BRAT1: variants seen among roughly 807,000 people sequenced by gnomAD.
BRAT1 encodes integrator complex assembly factor BRAT1.
BRAT1 carries 74 observed loss-of-function variants against 70.6 expected under a neutral mutation model. The observed-to-expected ratio is 1.05, with a 90% CI of 0.87 to 1.27. BRAT1 has a LOEUF of 1.27. BRAT1 is among the 50% of genes most tolerant of loss of function. BRAT1 has a pLI of 0.00. For synonymous variants in BRAT1, 615 were observed against 517.1 expected (o/e 1.19, Z -2.57); for missense variants, 1,203 against 1,098.2 (o/e 1.10, Z -1.35).
In BRAT1 at chr7:2,545,258, G is replaced by A. The variant is rs554547404; in HGVS notation, c.283-202C>T. On this transcript the variant is annotated intron_variant, in intron 3 of 13. Coordinates refer to ENST00000340611, the MANE Select transcript of BRAT1 (RefSeq NM_152743.4). The stretch of plus-strand genomic sequence containing the variant: ...ATGCACCTGTAATCCCAGCTACTAA[G>A]AAGGCTGAGGCAGGAGAATTGCTTG... Among the ~76,000 whole-genome samples the A allele has an allele frequency of 1.2e-4, 18 of 148,948 alleles. No individual in the cohort carries two copies. In the South Asian group the frequency reaches 3.4e-3, roughly 28 times the overall value.
chr7:2,545,124 G>A, intron 3 of BRAT1, 68 bp from the exon 4 acceptor site: 1 of 1,425,048 alleles, frequency 7.0e-7, no homozygotes, highest in Non-Finnish European at 9.2e-7. Flanking sequence ...CCAGCACTTT[G>A]GGAGGCCGAG....
rs113203588 is a variant in BRAT1 at position 2,547,942 on chromosome 7, G to C, written c.128-464C>G. Among the ~76,000 whole-genome samples, 1,442 of 152,194 alleles carry C rather than the reference G, an allele frequency of 9.5e-3. 13 individuals are homozygous for C. In the Middle Eastern group the frequency reaches 0.1, roughly 11 times the overall value. The stretch of plus-strand genomic sequence containing the variant: ...TACTAAAAATACAAAAAATTAGCCA[G>C]GTGTGGTGGCTCATGCCTGTAGTCC... On this transcript the variant is annotated intron_variant, in intron 2 of 13. Transcript: ENST00000340611.
intron 13 of BRAT1, 57 bp downstream of exon 13, chr7:2,539,122 C>G: frequency 3.2e-6 from 5 of 1,542,940 alleles, no homozygotes; most frequent in Non-Finnish European, 4.4e-6. Context: ...CGCAAGCAAA[C>G]GAGCACACAC....
chr7:2,544,651 T>C (rs1431353425), intron 4 of BRAT1, among the ~76,000 whole-genome samples: 1 of 152,116 alleles, frequency 6.6e-6, no homozygotes, highest in African/African-American at 2.4e-5. Context: ...TAGCCACGCA[T>C]CACCACGCCT....
At chr7:2,551,002 G>T (rs1217270626) in intron 2 of BRAT1, among the ~76,000 whole-genome samples, 1 of 151,940 alleles carries the variant, frequency 6.6e-6, no homozygotes, top group Admixed American at 6.6e-5. Context: ...CACTTTGGGA[G>T]GCCAAGGTGG....
intron 4 of BRAT1, chr7:2,544,187 G>A (rs1021002079): frequency 7.6e-5 from 23 of 301,890 alleles, no homozygotes; most frequent in African/African-American, 5.6e-4. Context: ...TTCCCAATTC[G>A]TTCCTTCTTG....
At chr7:2,539,922 G>A (rs1320859210) in intron 10 of BRAT1, 34 bp from the exon 11 acceptor site, 7 of 1,417,532 alleles carry the variant, frequency 4.9e-6, no homozygotes, top group Non-Finnish European at 9.4e-7. Flanking sequence ...AGGGCCACGG[G>A]AGACGGAGGG....
intron 10 of BRAT1, 166 bp from the exon 11 acceptor site, chr7:2,540,054 T>C: frequency 1.8e-6 from 1 of 565,824 alleles, no homozygotes; most frequent in Non-Finnish European, 3.1e-6. Context: ...AGAGACAGGG[T>C]CTCAATGTGT....
chr7:2,541,979 CG>C, intron 7 of BRAT1, 140 bp downstream of exon 7: 1 of 1,201,000 alleles, frequency 8.3e-7, no homozygotes, highest in Non-Finnish European at 1.2e-6. Flanking sequence ...GCCATGTCCC[CG>C]GTCCCCTTTG....
At position 2,537,969 on chromosome 7, in the gene BRAT1, C is replaced by T; in HGVS notation, c.*100G>A. 1 of 1,404,162 alleles carries T rather than the reference C, an allele frequency of 7.1e-7. No individual in the cohort carries two copies. The allele number at this position is 1,404,162 out of a possible 1,614,324, so 87.0% of individuals were successfully genotyped here. ...CTGGTCCTGGCTTCCCCAGAGGATC[C>T]ACCGGGCTGGGCTGGAGCCCTGGGG... On this transcript the variant is annotated 3_prime_UTR_variant, in exon 14 of 14. Transcript: ENST00000340611.
intron 3 of BRAT1, among the ~76,000 whole-genome samples, chr7:2,545,911 G>C (rs1157431504): frequency 6.6e-6 from 1 of 152,224 alleles, no homozygotes; most frequent in African/African-American, 2.4e-5. Flanking sequence ...TGGGCTGCTA[G>C]GGAGCCTGCA....
intron 9 of BRAT1, 64 bp downstream of exon 9, chr7:2,541,234 G>A (rs1779131909): frequency 4.0e-6 from 6 of 1,508,940 alleles, no homozygotes; most frequent in South Asian, 1.3e-5. Flanking sequence ...GGGTGCCTCC[G>A]AGCAGAAAGG....
intron 2 of BRAT1, among the ~76,000 whole-genome samples, chr7:2,550,976 T>C (rs1348985265): frequency 6.6e-6 from 1 of 152,088 alleles, no homozygotes; most frequent in East Asian, 1.9e-4. Flanking sequence ...GCAGTGGCTC[T>C]CCACTGTAAC....
chr7:2,545,832 C>T (rs565232640), intron 3 of BRAT1, among the ~76,000 whole-genome samples: 236 of 152,280 alleles, frequency 1.5e-3, no homozygotes, highest in Admixed American at 3.0e-3. Context: ...CAAGGGCCCC[C>T]GGATTCACTG....
rs750281203 is a variant in BRAT1, at chr7:2,543,559, A to G, written c.803+31T>C. The G allele has an allele frequency of 1.1e-5, 17 of 1,501,800 alleles. No individual in the cohort carries two copies. The highest frequency in any genetic ancestry group is 1.5e-5 in the Non-Finnish European group (17 of 1,125,186). The allele number at this position is 1,501,800 out of a possible 1,614,324, so 93.0% of individuals were successfully genotyped here. A position where few individuals can be genotyped will look rare whatever the true frequency, so the allele number is the denominator to read the frequency against. ...ATCCGAGGAAAACAGTTGCCCACCC[A>G]GGCCCCCCAGCTGCGTCCCGGGGCC... is the stretch of plus-strand genomic sequence containing the variant. On this transcript the variant is annotated intron_variant, in intron 5 of 13. Transcript: ENST00000340611. This position sits in a 1 kb window ranked among gnomAD's most constrained non-coding sequence, Gnocchi z 5.5.
Position 2,544,922 on chromosome 7 carries a change from G to GT in BRAT1, c.416_417insA (p.Phe139LeufsTer52). 1 of 1,551,388 alleles carries GT rather than the reference G, an allele frequency of 6.4e-7. No individual in the cohort carries two copies. The highest frequency in any genetic ancestry group is 8.7e-7 in the Non-Finnish European group (1 of 1,147,576). On this transcript the variant is annotated frameshift_variant, in exon 4 of 14. Coordinates refer to ENST00000340611, the MANE Select transcript of BRAT1 (RefSeq NM_152743.4). LOFTEE classifies it high-confidence loss of function. ...GGGCGCACTCACCATGGTCGGCCAG[G>GT]AAGCGCAGGGCGCTGGGGTGCTGTG...
At chr7:2,554,472 A>G (rs1322878444) in intron 1 of BRAT1, 25 bp from the exon 2 acceptor site, 1 of 1,598,586 alleles carries the variant, frequency 6.3e-7, no homozygotes, top group Non-Finnish European at 8.5e-7. Context: ...TGAGAGCCAA[A>G]CCTCAATGCC....
chr7:2,538,787 G>C lies in BRAT1; in HGVS notation c.1771-23C>G. 1 of 1,597,482 alleles carries C rather than the reference G, an allele frequency of 6.3e-7. No individual in the cohort carries two copies. The highest frequency in any genetic ancestry group is 8.5e-7 in the Non-Finnish European group (1 of 1,179,510). ...GCTCTGGGGGACAGGGAGCAAGTGC[G>C]GATGGTTGGTGGGGTGGCAGGAGCG... is the stretch of plus-strand genomic sequence containing the variant. On this transcript the variant is annotated intron_variant, in intron 13 of 13. Coordinates refer to ENST00000340611, the MANE Select transcript of BRAT1 (RefSeq NM_152743.4).
At chr7:2,552,761 C>T (rs942243418) in intron 2 of BRAT1, among the ~76,000 whole-genome samples, 6 of 149,642 alleles carry the variant, frequency 4.0e-5, no homozygotes, top group East Asian at 2.0e-4. Context: ...TTTTTTGAGA[C>T]GGAATCTCGC....
Sources: gnomAD v4.1 joint callset for allele counts (sites outside exome capture counted in the v4.1 genomes callset) on GRCh38, gnomAD v4.1.1 for gene constraint, Gnocchi (gnomAD v3.1) non-coding constraint, MANE v1.5 for transcripts, NCBI Gene and HGNC (gene_info 2026-07-23, HGNC 2026-07-21) for gene names.